LAMA2: variants seen among roughly 807,000 people sequenced by gnomAD.
The protein encoded by LAMA2 is laminin subunit alpha 2, also known as laminin subunit alpha-2.
A neutral mutation model predicts 364.8 loss-of-function variants in LAMA2; 269 were observed. The ratio of observed to expected loss-of-function variants is 0.74; its 90% confidence interval spans 0.67 to 0.82. The LOEUF (loss-of-function observed/expected upper bound fraction) is 0.82. Ranked by LOEUF, LAMA2 falls within the 40% of genes least tolerant of loss-of-function variation. The pLI, the probability that LAMA2 is intolerant of heterozygous loss-of-function variation, is 0.00. For missense variants in LAMA2, 3,807 were observed against 3,873.2 expected, an observed-to-expected ratio of 0.98 and a Z score of 0.45; for synonymous variants, 1,379 against 1,370.6, an observed-to-expected ratio of 1.01 and a Z score of -0.14.
At chr6:128,957,632 T>C (rs1010888113) in intron 1 of LAMA2, among the ~76,000 whole-genome samples, 1 of 151,986 alleles carries the variant, frequency 6.6e-6, no homozygotes, top group African/African-American at 2.4e-5. Context: ...AGATGTAGAA[T>C]AATCCTTTTT....
chr6:129,136,512 G>C (rs2114945916), intron 4 of LAMA2, among the ~76,000 whole-genome samples: 1 of 151,200 alleles, frequency 6.6e-6, no homozygotes, highest in East Asian at 1.9e-4. Context: ...ATGAGAGAGA[G>C]ACAGAGAGAG....
chr6:129,325,905 TC>T (rs1775249509), intron 28 of LAMA2, among the ~76,000 whole-genome samples: 1 of 152,164 alleles, frequency 6.6e-6, no homozygotes, highest in Admixed American at 6.5e-5. Flanking sequence ...AGTGGCCAGA[TC>T]TCAGCTTACT....
intron 7 of LAMA2, among the ~76,000 whole-genome samples, chr6:129,151,279 C>T (rs1316675630): frequency 6.6e-6 from 1 of 152,238 alleles, no homozygotes; most frequent in Non-Finnish European, 1.5e-5. Flanking sequence ...CTCTTGACAA[C>T]ACGAATTCTA....
Position 129,273,749 on chromosome 6 carries a change from A to T in LAMA2, c.2450+2998A>T, listed in dbSNP as rs188302846. On this transcript the variant is annotated intron_variant, in intron 17 of 64. Coordinates refer to ENST00000421865, the MANE Select transcript of LAMA2 (RefSeq NM_000426.4). ...GTCCAATAATATTATTTCCTAAAAGATGTATATTCTAATTTGGTATAATTA... is the reference window on the plus strand; with the variant it reads ...GTCCAATAATATTATTTCCTAAAAGTTGTATATTCTAATTTGGTATAATTA... 4.9e-3 allele frequency among the ~76,000 whole-genome samples: 750 copies of T among 152,186 alleles called. 8 individuals carry two copies. Among genetic ancestry groups the T allele is most frequent in the Non-Finnish European group, 6.8e-3 (465 of 67,982 alleles).
chr6:129,328,008 C>G (rs1170769173), intron 28 of LAMA2, among the ~76,000 whole-genome samples: 1 of 152,054 alleles, frequency 6.6e-6, no homozygotes, highest in Non-Finnish European at 1.5e-5. Context: ...AAGAAAAATA[C>G]TCTTTGGAGC....
intron 4 of LAMA2, among the ~76,000 whole-genome samples, chr6:129,135,613 C>A (rs1356904415): frequency 1.3e-5 from 2 of 152,120 alleles, no homozygotes; most frequent in African/African-American, 4.8e-5. Flanking sequence ...ATGATTTTAT[C>A]CTCTTATGAT....
At chr6:129,453,152 T>C in intron 46 of LAMA2, 21 bp downstream of exon 46, 2 of 1,604,212 alleles carry the variant, frequency 1.2e-6, no homozygotes, top group Non-Finnish European at 1.7e-6. Context: ...TATTCAACTT[T>C]TCATTAGGCT....
intron 1 of LAMA2, among the ~76,000 whole-genome samples, chr6:128,974,748 A>G (rs906463336): frequency 5.9e-5 from 9 of 152,146 alleles, no homozygotes; most frequent in Non-Finnish European, 1.2e-4. Context: ...TTCATACAGT[A>G]TATAGCTTTC....
chr6:129,144,654 C>T (rs576117970), intron 5 of LAMA2, among the ~76,000 whole-genome samples: 167 of 152,010 alleles, frequency 1.1e-3, no homozygotes, highest in African/African-American at 3.9e-3. Flanking sequence ...CTGATGTTGC[C>T]GGTTTGTGGG....
chr6:128,887,685 A>G (rs1451713978), intron 1 of LAMA2, among the ~76,000 whole-genome samples: 1 of 152,052 alleles, frequency 6.6e-6, no homozygotes, highest in East Asian at 1.9e-4. Context: ...CCTGACCAAC[A>G]TAACGGAAAC....
At chr6:129,390,707 A>G in intron 35 of LAMA2, among the ~76,000 whole-genome samples, 1 of 152,186 alleles carries the variant, frequency 6.6e-6, no homozygotes, top group South Asian at 2.1e-4. Flanking sequence ...GTTTCAATTC[A>G]CCATTTTAAA....
intron 1 of LAMA2, among the ~76,000 whole-genome samples, chr6:128,911,516 C>T (rs1373576606): frequency 2.6e-5 from 4 of 152,136 alleles, no homozygotes. Flanking sequence ...TGCGCGCACC[C>T]ACTGACCTGC....
At chr6:129,488,361 G>A (rs1411418730) in intron 56 of LAMA2, among the ~76,000 whole-genome samples, 2 of 152,150 alleles carry the variant, frequency 1.3e-5, no homozygotes, top group African/African-American at 2.4e-5. Context: ...ATTTCAATAA[G>A]TAACTGCAGA....
intron 4 of LAMA2, among the ~76,000 whole-genome samples, chr6:129,124,732 C>G (rs1199364965): frequency 2.6e-5 from 4 of 152,184 alleles, no homozygotes; most frequent in Non-Finnish European, 5.9e-5. Flanking sequence ...CATATATTTA[C>G]CGCATACAGT....
chr6:129,339,945 G>A (rs1390161480), intron 29 of LAMA2, among the ~76,000 whole-genome samples: 2 of 151,722 alleles, frequency 1.3e-5, no homozygotes, highest in Admixed American at 6.6e-5. Context: ...AGAGGTTGCA[G>A]TGAGCTGAGA....
In LAMA2 at chr6:128,929,785, C is replaced by T. The variant is rs1779339122; in HGVS notation, c.112+46428C>T. 6 of 1,063,708 alleles carry T rather than the reference C, an allele frequency of 5.6e-6. No homozygotes were observed. The Admixed American group carries it at 6.8e-5, about 12-fold the overall frequency. 65.9% of individuals were successfully genotyped at this position (1,063,708 alleles called of 1,614,324 possible). A position where few individuals can be genotyped will look rare whatever the true frequency, so the allele number is the denominator to read the frequency against. On this transcript the variant is annotated intron_variant, in intron 1 of 64. Coordinates refer to ENST00000421865, the MANE Select transcript of LAMA2 (RefSeq NM_000426.4). ...AAACGTGTAAAACCACAACTGTCTCCTGACTTCCAACCACACCCACAGAGT... is the reference window on the plus strand; with the variant it reads ...AAACGTGTAAAACCACAACTGTCTCTTGACTTCCAACCACACCCACAGAGT...
At chr6:128,972,845 C>T (rs191617365) in intron 1 of LAMA2, among the ~76,000 whole-genome samples, 1 of 152,260 alleles carries the variant, frequency 6.6e-6, no homozygotes, top group East Asian at 1.9e-4. Flanking sequence ...TCGGGAACCA[C>T]TCTAATTCCA....
At chr6:129,448,117 A>G (rs1416998071) in intron 45 of LAMA2, among the ~76,000 whole-genome samples, 3 of 152,112 alleles carry the variant, frequency 2.0e-5, no homozygotes, top group Non-Finnish European at 4.4e-5. Context: ...ACAAAACCAC[A>G]TCTCTACAAA....
chr6:129,446,245 G>C (rs1254993417), intron 45 of LAMA2, among the ~76,000 whole-genome samples: 1 of 151,612 alleles, frequency 6.6e-6, no homozygotes, highest in East Asian at 1.9e-4. Context: ...AGAGCAAAGA[G>C]AAACAAACAT....
Sources: allele counts gnomAD v4.1 joint callset (sites outside exome capture counted in the v4.1 genomes callset), GRCh38; gene constraint gnomAD v4.1.1; transcripts MANE v1.5; gene names NCBI Gene and HGNC (gene_info 2026-07-23, HGNC 2026-07-21).